PRR11: variants seen among roughly 807,000 people sequenced by gnomAD.
PRR11 encodes proline-rich protein 11.
A neutral mutation model predicts 45.6 loss-of-function variants in PRR11; 30 were observed. The observed-to-expected ratio is 0.66, with a 90% CI of 0.49 to 0.89. PRR11 has a LOEUF of 0.89. PRR11 is among the 40% of genes least tolerant of loss of function. The pLI is 0.00. For synonymous variants in PRR11, 128 were observed against 153.5 expected, an observed-to-expected ratio of 0.83 and a Z score of 1.23; for missense variants, 373 against 424.8, an observed-to-expected ratio of 0.88 and a Z score of 1.07.
intron 1 of PRR11, among the ~76,000 whole-genome samples, chr17:59,168,152 T>C (rs62081937): frequency 0.25 from 37,151 of 151,180 alleles, 5,118 homozygotes; most frequent in African/African-American, 0.37. Flanking sequence ...GTTTTTATTT[T>C]ATTTTATTTT....
At chr17:59,175,816 G>A (rs1177637230) in intron 2 of PRR11, among the ~76,000 whole-genome samples, 1 of 152,192 alleles carries the variant, frequency 6.6e-6, no homozygotes, top group African/African-American at 2.4e-5. Flanking sequence ...GCTGAGGTGG[G>A]AGGATCACTG....
In PRR11 at chr17:59,204,741, C is replaced by G. The variant is rs1474756869; in HGVS notation, c.*3110C>G. 6.6e-6 allele frequency: 1 copy of G among 152,280 alleles called. No homozygotes were observed. Among genetic ancestry groups the G allele is most frequent in the African/African-American group, 2.4e-5 (1 of 41,142 alleles). The allele number at this position is 152,280 out of a possible 1,614,324, so 9.4% of individuals were successfully genotyped here. On this transcript the variant is annotated 3_prime_UTR_variant, in exon 10 of 10. Coordinates refer to ENST00000262293, the MANE Select transcript of PRR11 (RefSeq NM_018304.4). ...AAAAGAAAGAAAGAAAGAAAAAATGCTTTATGGCCCAGTGCAGTGGCTCAC... is the reference window on the plus strand; with the variant it reads ...AAAAGAAAGAAAGAAAGAAAAAATGGTTTATGGCCCAGTGCAGTGGCTCAC...
intron 4 of PRR11, 106 bp from the exon 5 acceptor site, chr17:59,193,386 C>T (rs1034350920): frequency 6.7e-6 from 9 of 1,349,342 alleles, no homozygotes; most frequent in African/African-American, 2.9e-5. Context: ...GCACATGGTA[C>T]GCTGAGAAAG....
intron 2 of PRR11, among the ~76,000 whole-genome samples, chr17:59,172,701 C>T (rs932470395): frequency 1.4e-4 from 21 of 152,256 alleles, no homozygotes; most frequent in Non-Finnish European, 2.5e-4. Flanking sequence ...GGTCACCCAG[C>T]AGTGCTGGCC....
At position 59,201,809 on chromosome 17, in the gene PRR11, A is replaced by T; in HGVS notation, c.*178A>T. The T allele has an allele frequency of 1.7e-6, 1 of 591,630 alleles. No individual in the cohort carries two copies. The highest frequency in any genetic ancestry group is 3.0e-6 in the Non-Finnish European group (1 of 334,318). 36.6% of individuals were successfully genotyped at this position (591,630 alleles called of 1,614,324 possible). On this transcript the variant is annotated 3_prime_UTR_variant, in exon 10 of 10. Transcript: ENST00000262293. ...AACATGGTGAAACTCCTTCCCCACT[A>T]AAAATACAGAAATTAGCTGGGCATA...
chr17:59,173,657 C>A (rs1175552509), intron 2 of PRR11, among the ~76,000 whole-genome samples: 5 of 152,228 alleles, frequency 3.3e-5, no homozygotes. Flanking sequence ...GACACGCCAC[C>A]TTTAAGAACT....
intron 2 of PRR11, chr17:59,177,210 G>A: frequency 1.8e-6 from 1 of 548,562 alleles, no homozygotes; most frequent in Admixed American, 1.9e-5. Context: ...GCCGGGAGAA[G>A]AGGCCGGCGC....
At chr17:59,180,023 G>T in intron 2 of PRR11, 1 of 883,566 alleles carries the variant, frequency 1.1e-6, no homozygotes, top group South Asian at 1.5e-5. Context: ...TTTCTCCTTT[G>T]CTGAACCCCA....
intron 5 of PRR11, among the ~76,000 whole-genome samples, chr17:59,194,267 TCACACACACACACACACA>T (rs57853873): frequency 7.1e-6 from 1 of 141,066 alleles, no homozygotes; most frequent in Non-Finnish European, 1.6e-5. Flanking sequence ...TTCCCAATCC[TCACACACACACACACACA>T]CACACACACA....
At chr17:59,160,676 G>T (rs1429249116) in intron 1 of PRR11, 1 of 152,134 alleles carries the variant, frequency 6.6e-6, no homozygotes, top group African/African-American at 2.4e-5. Context: ...AAAAGAAGAT[G>T]TAAGTAAAAA....
At chr17:59,172,634 C>T (rs1599694647) in intron 2 of PRR11, among the ~76,000 whole-genome samples, 2 of 152,354 alleles carry the variant, frequency 1.3e-5, no homozygotes, top group Admixed American at 1.3e-4. Flanking sequence ...GCTGCCCCGG[C>T]CAGCCCGGGC....
chr17:59,195,589 C>A (rs565610205), intron 7 of PRR11, 146 bp downstream of exon 7: 3 of 555,538 alleles, frequency 5.4e-6, no homozygotes. Context: ...AAACTGAAAT[C>A]TACAGAAAAG....
At chr17:59,177,841 CTGTT>C (rs973847196) in intron 2 of PRR11, among the ~76,000 whole-genome samples, 2 of 152,170 alleles carry the variant, frequency 1.3e-5, no homozygotes, top group African/African-American at 4.8e-5. Context: ...CATAGCAAGA[CTGTT>C]TGTATAAAAA....
At chr17:59,168,534 G>C (rs2046690857) in intron 1 of PRR11, among the ~76,000 whole-genome samples, 1 of 151,906 alleles carries the variant, frequency 6.6e-6, no homozygotes, top group Non-Finnish European at 1.5e-5. Flanking sequence ...CCAGCACTTT[G>C]GGATTACGCC....
intron 1 of PRR11, among the ~76,000 whole-genome samples, chr17:59,157,970 G>A (rs1044670464): frequency 5.9e-5 from 9 of 152,186 alleles, no homozygotes; most frequent in Non-Finnish European, 1.2e-4. Context: ...AAGAGACTAT[G>A]GCAAAGGGCC....
intron 7 of PRR11, among the ~76,000 whole-genome samples, chr17:59,196,393 T>C (rs2046866155): frequency 6.6e-6 from 1 of 152,182 alleles, no homozygotes; most frequent in East Asian, 1.9e-4. Flanking sequence ...TTTTTATTTT[T>C]TGAGATGGAG....
intron 2 of PRR11, chr17:59,179,571 T>C: frequency 6.8e-7 from 1 of 1,460,376 alleles, no homozygotes; most frequent in Non-Finnish European, 9.2e-7. Context: ...TTTTTCCCAT[T>C]GGAAAAGTGT....
intron 7 of PRR11, 109 bp from the exon 8 acceptor site, chr17:59,197,435 T>C: frequency 1.9e-6 from 2 of 1,035,234 alleles, no homozygotes; most frequent in African/African-American, 1.6e-5. Context: ...GTATTTTTAA[T>C]AGAGACAAGG....
chr17:59,169,759 A>C lies in PRR11; in HGVS notation c.7A>C (p.Lys3Gln). 6.3e-7 allele frequency: 1 copy of C among 1,589,126 alleles called. No individual in the cohort carries two copies. Among genetic ancestry groups the C allele is most frequent in the Non-Finnish European group, 8.5e-7 (1 of 1,173,624 alleles). Reference sequence around the variant, plus strand: ...AAATTTCTCTGCAGAAATCATGCCCAAGTTCAAACAACGAAGACGAAAGCT... The same window carrying C: ...AAATTTCTCTGCAGAAATCATGCCCCAGTTCAAACAACGAAGACGAAAGCT... MP[K>Q]FKQRRRKLKA... Residue 3 changes from lysine to glutamine, a missense_variant, in exon 2 of 10, where the codon AAG (lysine) becomes CAG (glutamine). Lys to Gln is a moderately conservative substitution (Grantham distance 53, BLOSUM62 1). Coordinates refer to ENST00000262293, the MANE Select transcript of PRR11 (RefSeq NM_018304.4).
Sources: gnomAD v4.1 joint callset for allele counts (sites outside exome capture counted in the v4.1 genomes callset) on GRCh38, gnomAD v4.1.1 for gene constraint, MANE v1.5 for transcripts, NCBI Gene and HGNC (gene_info 2026-07-23, HGNC 2026-07-21) for gene names.